ZFP91: variants seen among roughly 807,000 people sequenced by gnomAD.
ZFP91 encodes E3 ubiquitin-protein ligase ZFP91.
ZFP91 carries 7 observed loss-of-function variants against 63.5 expected under a neutral mutation model. That is an observed-to-expected ratio of 0.11 (90% confidence interval 0.06 to 0.21). ZFP91 has a LOEUF of 0.21. Ranked by LOEUF, ZFP91 falls within the 10% of genes least tolerant of loss-of-function variation. The pLI is 1.00. For missense variants in ZFP91, 628 were observed against 736.6 expected (o/e 0.85, Z 1.71); for synonymous variants, 330 against 272.1 (o/e 1.21, Z -2.10).
chr11:58,590,238 C>T (rs1314440838), intron 2 of ZFP91, among the ~76,000 whole-genome samples: 3 of 152,154 alleles, frequency 2.0e-5, no homozygotes, highest in Non-Finnish European at 4.4e-5. Flanking sequence ...GTAATATTGC[C>T]CCTTGACTGT....
At position 58,590,533 on chromosome 11, in the gene ZFP91, A is replaced by G. The variant is rs373543464; in HGVS notation, c.370+5649A>G. ...CCCCACAGTATAATCAATCAGTTGT[A>G]TTTCTGTATATCAGCAACAAAAAAT... On this transcript the variant is annotated intron_variant, in intron 2 of 10. Coordinates refer to ENST00000316059, the MANE Select transcript of ZFP91 (RefSeq NM_053023.5). 3.9e-5 allele frequency among the ~76,000 whole-genome samples: 6 copies of G among 152,314 alleles called. No individual in the cohort carries two copies. In the South Asian group the frequency reaches 8.3e-4, roughly 21 times the overall value.
At position 58,579,392 on chromosome 11, in the gene ZFP91, C is replaced by T; in HGVS notation, c.111C>T (p.Val37=). The part of the protein sequence containing the change: ...EEPQQRPPEA[V]AAAPAGTTSS... ...CCCAACAACGGCCCCCTGAGGCGGT[C>T]GCGGCGGCGCCTGCAGGGACCACTA... The change falls in exon 1 of 11, where the codon GTC becomes GTT. Residue 37 remains valine, a synonymous_variant. Transcript: ENST00000316059. The T allele has an allele frequency of 4.1e-6, 6 of 1,473,824 alleles. No individual in the cohort carries two copies. The highest frequency in any genetic ancestry group is 5.4e-6 in the Non-Finnish European group (6 of 1,118,694). 91.3% of individuals were successfully genotyped at this position (1,473,824 alleles called of 1,614,324 possible).
At chr11:58,616,147 G>A (rs1855745246) in intron 9 of ZFP91, among the ~76,000 whole-genome samples, 1 of 152,152 alleles carries the variant, frequency 6.6e-6, no homozygotes, top group Non-Finnish European at 1.5e-5. Context: ...TAGTACAGGT[G>A]TTATTTACAT....
chr11:58,595,391 T>C (rs1263095232), intron 2 of ZFP91, among the ~76,000 whole-genome samples: 1 of 152,206 alleles, frequency 6.6e-6, no homozygotes, highest in Non-Finnish European at 1.5e-5. Flanking sequence ...GCATTGATTA[T>C]GTTAGAATGG....
chr11:58,594,497 AC>A (rs938174718), intron 2 of ZFP91, among the ~76,000 whole-genome samples: 7 of 152,242 alleles, frequency 4.6e-5, no homozygotes, highest in Non-Finnish European at 8.8e-5. Context: ...AAGAAGCAGA[AC>A]TAATTCACCT....
At chr11:58,579,767 C>G (rs907831943) in intron 1 of ZFP91, 145 bp downstream of exon 1, 3 of 777,372 alleles carry the variant, frequency 3.9e-6, no homozygotes, top group Non-Finnish European at 5.7e-6. Flanking sequence ...ACCGTTTCCC[C>G]GGGAGCCTTC....
chr11:58,580,555 T>G (rs769587083), intron 1 of ZFP91, among the ~76,000 whole-genome samples: 2 of 152,156 alleles, frequency 1.3e-5, no homozygotes, highest in Admixed American at 1.3e-4. Context: ...CAGAGAAAAT[T>G]GAAGTGAGGG....
chr11:58,612,658 A>G (rs1855685296), intron 7 of ZFP91, 104 bp from the exon 8 acceptor site: 3 of 834,700 alleles, frequency 3.6e-6, no homozygotes, highest in Admixed American at 2.5e-5. Context: ...AATTCTTCCT[A>G]CTATAAAATA....
At chr11:58,611,924 A>C (rs1260877587) in intron 6 of ZFP91, 186 bp downstream of exon 6, 2 of 646,336 alleles carry the variant, frequency 3.1e-6, no homozygotes, top group Non-Finnish European at 5.0e-6. Flanking sequence ...AAAAATGTTT[A>C]GGTTTTTCAG....
rs1474678015 is a variant in ZFP91 at position 58,594,676 on chromosome 11, CAT to C, written c.370+9795_370+9796del. ...TTGAAATCAGTAAGCCAGGAAAAAA[CAT>C]ATGTAGATGGAGTAAACAGAGATGA... is the stretch of plus-strand genomic sequence containing the variant. On this transcript the variant is annotated intron_variant, in intron 2 of 10. Coordinates refer to ENST00000316059, the MANE Select transcript of ZFP91 (RefSeq NM_053023.5). Among the ~76,000 whole-genome samples, 5 of 152,218 alleles carry C rather than the reference CAT, an allele frequency of 3.3e-5. No homozygotes were observed. In the South Asian group the frequency reaches 8.3e-4, roughly 25 times the overall value.
intron 2 of ZFP91, among the ~76,000 whole-genome samples, chr11:58,599,033 T>G (rs1855451672): frequency 6.6e-6 from 1 of 152,088 alleles, no homozygotes; most frequent in Non-Finnish European, 1.5e-5. Context: ...CTGGATATTA[T>G]ATGTAATTGG....
In ZFP91 at chr11:58,618,496, A is replaced by G. The variant is rs1158545012; in HGVS notation, c.*790A>G. 2 of 371,192 alleles carry G rather than the reference A, an allele frequency of 5.4e-6. No homozygotes were observed. Among genetic ancestry groups the G allele is most frequent in the Non-Finnish European group, 1.0e-5 (2 of 191,666 alleles). 23.0% of individuals were successfully genotyped at this position (371,192 alleles called of 1,614,324 possible). On this transcript the variant is annotated 3_prime_UTR_variant, in exon 11 of 11. Coordinates refer to ENST00000316059, the MANE Select transcript of ZFP91 (RefSeq NM_053023.5). ...AGACGATGAGAAAAGTCCCAGGCTA[A>G]TGGCAGAAATTTGCACTTTGAACAT...
Position 58,617,766 on chromosome 11 carries a change from AC to A in ZFP91, c.*61del. The A allele has an allele frequency of 6.9e-7, 1 of 1,440,024 alleles. No homozygotes were observed. Among genetic ancestry groups the A allele is most frequent in the South Asian group, 1.7e-5 (1 of 60,006 alleles). 89.2% of individuals were successfully genotyped at this position (1,440,024 alleles called of 1,614,324 possible). On this transcript the variant is annotated 3_prime_UTR_variant, in exon 11 of 11. Transcript: ENST00000316059. This position sits in a 1 kb window ranked among gnomAD's most constrained non-coding sequence, Gnocchi z 4.2. Reference sequence around the variant, plus strand: ...ACTTTGTATTTAAAAGTTAAAAAGGACAAAAAAAAAATCTAAAGCATTTAAA... The same window carrying A: ...ACTTTGTATTTAAAAGTTAAAAAGGAAAAAAAAAAATCTAAAGCATTTAAA...
intron 2 of ZFP91, among the ~76,000 whole-genome samples, chr11:58,585,683 T>C (rs1414903257): frequency 6.6e-6 from 1 of 152,148 alleles, no homozygotes; most frequent in Non-Finnish European, 1.5e-5. Flanking sequence ...TATAGCCTGC[T>C]ACTATTTCTA....
Position 58,617,871 on chromosome 11 carries a change from A to C in ZFP91, c.*165A>C. 1.1e-6 allele frequency: 1 copy of C among 876,646 alleles called. No individual in the cohort carries two copies. Among genetic ancestry groups the C allele is most frequent in the Non-Finnish European group, 1.5e-6 (1 of 651,720 alleles). The allele number at this position is 876,646 out of a possible 1,614,324, so 54.3% of individuals were successfully genotyped here. ...ACATACATACACCCTCCACCTCCCC[A>C]TCCCCTGTTCTCCCTCTGTTGCTCC... On this transcript the variant is annotated 3_prime_UTR_variant, in exon 11 of 11. Coordinates refer to ENST00000316059, the MANE Select transcript of ZFP91 (RefSeq NM_053023.5). This position sits in a 1 kb window ranked among gnomAD's most constrained non-coding sequence, Gnocchi z 4.2.
chr11:58,591,595 C>T (rs72921844), intron 2 of ZFP91, among the ~76,000 whole-genome samples: 72 of 152,224 alleles, frequency 4.7e-4, no homozygotes, highest in South Asian at 1.5e-3. Context: ...ATAGTTAATC[C>T]GTATTCTCAC....
intron 3 of ZFP91, 66 bp downstream of exon 3, chr11:58,610,105 A>G: frequency 6.4e-7 from 1 of 1,563,102 alleles, no homozygotes. Context: ...TGTAATGTTG[A>G]ACATTTGTGT....
rs1162894027 is a variant in ZFP91 at position 58,579,367 on chromosome 11, C to A, written c.86C>A (p.Pro29His). ...GEAAKAAPEE[P>H]QQRPPEAVAA... is the part of the protein sequence containing the mutation. ...GCGGCCAAGGCGGCTCCGGAGGAGCCCCAACAACGGCCCCCTGAGGCGGTC... is the reference window on the plus strand; with the variant it reads ...GCGGCCAAGGCGGCTCCGGAGGAGCACCAACAACGGCCCCCTGAGGCGGTC... Residue 29 changes from proline to histidine, a missense_variant, in exon 1 of 11, where the codon CCC becomes CAC. By Grantham distance (77) the Pro-to-His change is moderately conservative (BLOSUM62 -2). Coordinates refer to ENST00000316059, the MANE Select transcript of ZFP91 (RefSeq NM_053023.5). 6.7e-7 allele frequency: 1 copy of A among 1,492,250 alleles called. No individual in the cohort carries two copies. Among genetic ancestry groups the A allele is most frequent in the Non-Finnish European group, 8.9e-7 (1 of 1,125,634 alleles). 92.4% of individuals were successfully genotyped at this position (1,492,250 alleles called of 1,614,324 possible).
rs1701438870 is a variant in ZFP91 at position 58,579,137 on chromosome 11, G to T, written c.-145G>T. 1.3e-5 allele frequency: 9 copies of T among 669,214 alleles called. No individual in the cohort carries two copies. The highest frequency in any genetic ancestry group is 3.6e-5 in the East Asian group (1 of 28,112). 41.5% of individuals were successfully genotyped at this position (669,214 alleles called of 1,614,324 possible). On this transcript the variant is annotated 5_prime_UTR_variant, in exon 1 of 11. Coordinates refer to ENST00000316059, the MANE Select transcript of ZFP91 (RefSeq NM_053023.5). ...GGGTGGGGGGGGCGCCCTCGGAGCC[G>T]GGCGGAGGGGAGGGGGGAAAGAGGA... is the stretch of plus-strand genomic sequence containing the variant.
Sources: gnomAD v4.1 joint callset for allele counts (sites outside exome capture counted in the v4.1 genomes callset) on GRCh38, gnomAD v4.1.1 for gene constraint, Gnocchi (gnomAD v3.1) non-coding constraint, MANE v1.5 for transcripts, NCBI Gene and HGNC (gene_info 2026-07-23, HGNC 2026-07-21) for gene names.